The following NRXN3 variants were observed in gnomAD, a reference collection of about 807,000 sequenced individuals.
NRXN3 encodes neurexin 3, also known as neurexin III.
NRXN3 carries 32 observed loss-of-function variants against 137.6 expected under a neutral mutation model. The observed-to-expected ratio is 0.23, with a 90% CI of 0.18 to 0.31. The LOEUF is 0.31. Ranked by LOEUF, NRXN3 falls within the 10% of genes least tolerant of loss-of-function variation. The pLI is 1.00. For missense variants in NRXN3, 1,574 were observed against 2,062.5 expected (o/e 0.76, Z 4.59); for synonymous variants, 798 against 784.5 (o/e 1.02, Z -0.29).
intron 4 of NRXN3, among the ~76,000 whole-genome samples, chr14:78,542,023 G>C (rs1013944393): frequency 5.9e-5 from 9 of 152,218 alleles, no homozygotes; most frequent in African/African-American, 2.2e-4. Flanking sequence ...AAATATTGCT[G>C]CCTGATTCTT....
chr14:79,403,141 T>G (rs879261732), intron 15 of NRXN3, among the ~76,000 whole-genome samples: 2 of 152,112 alleles, frequency 1.3e-5, no homozygotes, highest in African/African-American at 2.4e-5. Flanking sequence ...TTAGAGGCTC[T>G]AATATCTGTC....
chr14:78,856,644 A>G (rs968484284), intron 10 of NRXN3, among the ~76,000 whole-genome samples: 2 of 152,188 alleles, frequency 1.3e-5, no homozygotes, highest in Non-Finnish European at 2.9e-5. Flanking sequence ...AGACTTCTAA[A>G]GTCTTCAAAT....
intron 15 of NRXN3, among the ~76,000 whole-genome samples, chr14:79,083,140 A>G (rs1341609276): frequency 1.4e-4 from 21 of 152,224 alleles, no homozygotes; most frequent in Non-Finnish European, 1.5e-5. Flanking sequence ...GAGATGTTGT[A>G]CTAAGTCTAA....
chr14:79,408,841 A>C (rs2095361467), intron 15 of NRXN3, among the ~76,000 whole-genome samples: 1 of 152,162 alleles, frequency 6.6e-6, no homozygotes, highest in African/African-American at 2.4e-5. Context: ...CATTTGCATT[A>C]ACTACACTTA....
At position 78,645,383 on chromosome 14, in the gene NRXN3, G is replaced by A. The variant is rs201052888; in HGVS notation, c.1021G>A (p.Ala341Thr). ...EPVNGKFNDN[A>T]WHDVKVTRNL... ...AGTGAATGGAAAATTCAACGACAAC[G>A]CCTGGCATGATGTCAAAGTGACACG... The change falls in exon 5 of 21, where the codon GCC (alanine) becomes ACC (threonine). Residue 341 changes from alanine (A) to threonine (T), a missense_variant. Transcript: ENST00000335750. 4.4e-5 allele frequency: 70 copies of A among 1,596,206 alleles called. 1 individual carries two copies. In the South Asian group the frequency reaches 6.5e-4, roughly 15 times the overall value.
intron 16 of NRXN3, among the ~76,000 whole-genome samples, chr14:79,551,533 A>G (rs2097372599): frequency 6.6e-6 from 1 of 152,146 alleles, no homozygotes; most frequent in South Asian, 2.1e-4. Flanking sequence ...CTCTTTTAAG[A>G]AGATCTGAAT....
intron 19 of NRXN3, among the ~76,000 whole-genome samples, chr14:79,700,933 A>G (rs1279887450): frequency 6.6e-6 from 1 of 152,122 alleles, no homozygotes; most frequent in Non-Finnish European, 1.5e-5. Flanking sequence ...TAAGATGTGC[A>G]TTGAGAAAGC....
chr14:79,391,040 C>T (rs552216555), intron 15 of NRXN3, among the ~76,000 whole-genome samples: 24 of 152,162 alleles, frequency 1.6e-4, no homozygotes, highest in Non-Finnish European at 3.1e-4. Context: ...CTTGGACTTC[C>T]CAGGCTCCAG....
chr14:79,018,647 A>G (rs1190605357), intron 15 of NRXN3, among the ~76,000 whole-genome samples: 2 of 152,320 alleles, frequency 1.3e-5, no homozygotes, highest in East Asian at 1.9e-4. Flanking sequence ...TGCAGAATGA[A>G]TAAGCAAAAT....
chr14:79,147,962 A>C (rs528055286), intron 15 of NRXN3, among the ~76,000 whole-genome samples: 33 of 152,230 alleles, frequency 2.2e-4, no homozygotes, highest in South Asian at 4.1e-4. Context: ...TTTAAAGCCC[A>C]GATTTCTGGA....
At chr14:78,655,251 G>T (rs2097775625) in intron 6 of NRXN3, among the ~76,000 whole-genome samples, 1 of 152,116 alleles carries the variant, frequency 6.6e-6, no homozygotes, top group Non-Finnish European at 1.5e-5. Context: ...AAAATGAAAT[G>T]ATGTACATAA....
intron 15 of NRXN3, among the ~76,000 whole-genome samples, chr14:79,350,859 C>T (rs969906444): frequency 1.3e-5 from 2 of 152,126 alleles, no homozygotes; most frequent in Non-Finnish European, 2.9e-5. Context: ...TCTCCAGGAG[C>T]AGTTATGAGA....
At chr14:79,049,989 C>A (rs1056121080) in intron 15 of NRXN3, among the ~76,000 whole-genome samples, 2 of 152,188 alleles carry the variant, frequency 1.3e-5, no homozygotes, top group Non-Finnish European at 2.9e-5. Context: ...TCCTGCAGCT[C>A]ACCATTATCT....
chr14:78,621,772 C>T (rs950432650), intron 4 of NRXN3, among the ~76,000 whole-genome samples: 5 of 152,160 alleles, frequency 3.3e-5, no homozygotes, highest in East Asian at 1.9e-4. Flanking sequence ...CTTGCATCTG[C>T]GGTTTGCTGT....
At chr14:78,701,260 G>A (rs571002498) in intron 6 of NRXN3, among the ~76,000 whole-genome samples, 12 of 152,324 alleles carry the variant, frequency 7.9e-5, no homozygotes, top group Non-Finnish European at 1.6e-4. Context: ...GTTCACATCT[G>A]TAACTGGGCA....
intron 15 of NRXN3, among the ~76,000 whole-genome samples, chr14:79,091,572 AG>A (rs2049201852): frequency 1.3e-5 from 2 of 152,074 alleles, no homozygotes; most frequent in African/African-American, 4.8e-5. Context: ...GCTTTGTCCC[AG>A]GTGTTCCTGC....
chr14:78,289,642 G>A (rs192824276), intron 3 of NRXN3, among the ~76,000 whole-genome samples: 8 of 151,828 alleles, frequency 5.3e-5, no homozygotes, highest in African/African-American at 1.5e-4. Context: ...GGGGCCAGGC[G>A]TGGTGGCTCA....
chr14:79,376,277 T>G (rs1311531808), intron 15 of NRXN3, among the ~76,000 whole-genome samples: 1 of 125,192 alleles, frequency 8.0e-6, no homozygotes, highest in Non-Finnish European at 1.6e-5. Context: ...CACATACATA[T>G]GACTCCAAAA....
chr14:78,769,648 A>G (rs1462810445), intron 8 of NRXN3, among the ~76,000 whole-genome samples: 2 of 152,200 alleles, frequency 1.3e-5, no homozygotes, highest in African/African-American at 2.4e-5. Flanking sequence ...ACTGAACCCA[A>G]AGCAAGACTC....
Sources: allele counts gnomAD v4.1 joint callset (sites outside exome capture counted in the v4.1 genomes callset), GRCh38; gene constraint gnomAD v4.1.1; transcripts MANE v1.5; gene names NCBI Gene and HGNC (gene_info 2026-07-23, HGNC 2026-07-21).